CECR2: variants seen among roughly 807,000 people sequenced by gnomAD.
CECR2 encodes CECR2 histone acetyl-lysine reader.
In CECR2, 30 loss-of-function variants were observed where a neutral mutation model predicts 154.5. The ratio of observed to expected loss-of-function variants is 0.19; its 90% CI spans 0.15 to 0.26. The LOEUF is 0.26. Among genes scored for constraint, CECR2 ranks in the 10% least tolerant of loss-of-function variants. The pLI, the probability that CECR2 is intolerant of heterozygous loss-of-function variation, is 1.00. For missense variants in CECR2, 1,743 were observed against 1,829.3 expected (o/e 0.95, Z 0.86); for synonymous variants, 725 against 683.7 (o/e 1.06, Z -0.94).
At chr22:17,488,940 A>T (rs1441036431) in intron 2 of CECR2, among the ~76,000 whole-genome samples, 1 of 152,148 alleles carries the variant, frequency 6.6e-6, no homozygotes, top group Non-Finnish European at 1.5e-5. Flanking sequence ...ATATCTTTTT[A>T]AATTTTTATT....
chr22:17,456,675 C>A (rs2054859125), intron 1 of CECR2, among the ~76,000 whole-genome samples: 1 of 152,098 alleles, frequency 6.6e-6, no homozygotes, highest in African/African-American at 2.4e-5. Context: ...AGAGTAACAA[C>A]CTTCCTCAAG....
At chr22:17,481,548 C>CGTT (rs2055318839) in intron 2 of CECR2, among the ~76,000 whole-genome samples, 1 of 152,078 alleles carries the variant, frequency 6.6e-6, no homozygotes, top group Non-Finnish European at 1.5e-5. Context: ...TGTCTGTATC[C>CGTT]TTTTCCGTTG....
chr22:17,419,027 G>C (rs926761299), intron 1 of CECR2: 43 of 166,866 alleles, frequency 2.6e-4, no homozygotes, highest in African/African-American at 8.9e-4. Context: ...CTGGCCAAGG[G>C]CACCGCGGAG....
chr22:17,472,948 G>GC (rs2055151443), intron 1 of CECR2, among the ~76,000 whole-genome samples: 1 of 152,120 alleles, frequency 6.6e-6, no homozygotes, highest in Admixed American at 6.6e-5. Context: ...GTATGTAAAG[G>GC]CCCTGTTTCT....
intron 2 of CECR2, among the ~76,000 whole-genome samples, chr22:17,486,199 G>A (rs1161760600): frequency 2.0e-5 from 3 of 152,326 alleles, no homozygotes; most frequent in South Asian, 2.1e-4. Flanking sequence ...CAACTTAGAC[G>A]TAAAAGGAAC....
At chr22:17,513,000 A>G (rs1263888103) in intron 8 of CECR2, among the ~76,000 whole-genome samples, 1 of 152,144 alleles carries the variant, frequency 6.6e-6, no homozygotes, top group Non-Finnish European at 1.5e-5. Context: ...TTTGAGATAT[A>G]ATGTTAGGTG....
chr22:17,507,929 C>T (rs542564008), intron 7 of CECR2, among the ~76,000 whole-genome samples: 1 of 152,274 alleles, frequency 6.6e-6, no homozygotes, highest in East Asian at 1.9e-4. Flanking sequence ...TCGATTTATT[C>T]ACAGGTAAAG....
chr22:17,372,090 AC>A lies in CECR2; in HGVS notation c.126+2182del, dbSNP rs141572120. Among the ~76,000 whole-genome samples the A allele has an allele frequency of 3.6e-3, 545 of 152,300 alleles. 4 individuals are homozygous for A. Among genetic ancestry groups the A allele is most frequent in the East Asian group, 0.023 (120 of 5,188 alleles). ...GACTCCAGTGTTTCTTGGAAATGAC[AC>A]TTTTTTGGGGCTAAAATACATGCTG... is the stretch of plus-strand genomic sequence containing the variant. On this transcript the variant is annotated intron_variant, in intron 1 of 18. Coordinates refer to ENST00000262608, the MANE Select transcript of CECR2 (RefSeq NM_001290047.2).
rs71200271 is a variant in CECR2 at position 17,394,197 on chromosome 22, CTTT to C, written c.126+24312_126+24314del. 9.9e-3 allele frequency among the ~76,000 whole-genome samples: 959 copies of C among 97,070 alleles called. 62 individuals are homozygous for C. The highest frequency in any genetic ancestry group is 0.03 in the African/African-American group (728 of 23,890). 63.7% of individuals were successfully genotyped at this position (97,070 alleles called of 152,430 possible). On this transcript the variant is annotated intron_variant, in intron 1 of 18. Transcript: ENST00000262608. ...CCACCGCGCCCAGCTGCTGCCGCTG[CTTT>C]TTTTTTTTTTTTTTTTTTTTTTTAA...
At position 17,553,784 on chromosome 22, in the gene CECR2, G is replaced by A. The variant is rs1421158608; in HGVS notation, c.*944G>A. ...AATTGGGATCGCTAGAGTGTTTCAC[G>A]TATTAGAAGATGAATCGTCCTCATC... On this transcript the variant is annotated 3_prime_UTR_variant, in exon 19 of 19. Coordinates refer to ENST00000262608, the MANE Select transcript of CECR2 (RefSeq NM_001290047.2). 6.6e-6 allele frequency: 1 copy of A among 152,184 alleles called. No homozygotes were observed. The highest frequency in any genetic ancestry group is 1.5e-5 in the Non-Finnish European group (1 of 68,042). 9.4% of individuals were successfully genotyped at this position (152,184 alleles called of 1,614,324 possible).
intron 1 of CECR2, among the ~76,000 whole-genome samples, chr22:17,446,237 G>A (rs919890567): frequency 6.6e-6 from 1 of 152,220 alleles, no homozygotes; most frequent in African/African-American, 2.4e-5. Context: ...CAAGTCAGGT[G>A]TTGCGGCACA....
intron 1 of CECR2, among the ~76,000 whole-genome samples, chr22:17,470,479 G>A (rs2146768502): frequency 6.6e-6 from 1 of 151,874 alleles, no homozygotes; most frequent in South Asian, 2.1e-4. Context: ...TCATGTAAGA[G>A]CAACCAGACC....
At position 17,436,087 on chromosome 22, in the gene CECR2, T is replaced by C. The variant is rs149735327; in HGVS notation, c.127-41501T>C. ...GATTCTCCTGCCTCAGCCTCCTGGG[T>C]GGCTGGGACTACAGGTGCGTGTCAC... On this transcript the variant is annotated intron_variant, in intron 1 of 18. Coordinates refer to ENST00000262608, the MANE Select transcript of CECR2 (RefSeq NM_001290047.2). 7.6e-3 allele frequency among the ~76,000 whole-genome samples: 1,154 copies of C among 152,202 alleles called. 22 individuals carry two copies. The highest frequency in any genetic ancestry group is 0.027 in the African/African-American group (1,120 of 41,526).
chr22:17,445,573 A>G (rs3994822), intron 1 of CECR2, among the ~76,000 whole-genome samples: 18 of 146,628 alleles, frequency 1.2e-4, no homozygotes, highest in Admixed American at 5.5e-4. Context: ...TATTATTATT[A>G]TTATTATTAT....
chr22:17,439,179 T>C (rs1016995205), intron 1 of CECR2, among the ~76,000 whole-genome samples: 19 of 152,104 alleles, frequency 1.2e-4, no homozygotes, highest in Admixed American at 7.2e-4. Flanking sequence ...TTTTTTTTTT[T>C]TTTGGATGTT....
chr22:17,433,960 GC>G (rs202070121), intron 1 of CECR2, among the ~76,000 whole-genome samples: 12,096 of 152,094 alleles, frequency 0.08, 1,018 homozygotes, highest in African/African-American at 0.22. Flanking sequence ...CCTTAAAAGG[GC>G]GGTAATGAAA....
At chr22:17,417,938 C>T (rs2054179651) in intron 1 of CECR2, among the ~76,000 whole-genome samples, 1 of 151,818 alleles carries the variant, frequency 6.6e-6, no homozygotes, top group African/African-American at 2.4e-5. Context: ...TTAAATTTTC[C>T]GCTTTTGAGA....
intron 1 of CECR2, among the ~76,000 whole-genome samples, chr22:17,363,048 C>CTTTTT (rs60742428): frequency 3.5e-5 from 5 of 144,738 alleles, no homozygotes; most frequent in African/African-American, 5.1e-5. Flanking sequence ...TTTCCTTCTT[C>CTTTTT]TTTTTTTTTT....
chr22:17,420,693 T>C (rs917099378), intron 1 of CECR2, among the ~76,000 whole-genome samples: 3 of 152,218 alleles, frequency 2.0e-5, no homozygotes, highest in African/African-American at 7.2e-5. Context: ...AAAATGAGGT[T>C]GTGTTATGGC....
Sources: gnomAD v4.1 joint callset for allele counts (sites outside exome capture counted in the v4.1 genomes callset) on GRCh38, gnomAD v4.1.1 for gene constraint, MANE v1.5 for transcripts, NCBI Gene and HGNC (gene_info 2026-07-23, HGNC 2026-07-21) for gene names.